CADPS2: variants seen among roughly 807,000 people sequenced by gnomAD.
CADPS2 encodes the protein calcium dependent secretion activator 2, also known as calcium-dependent secretion activator 2.
A neutral mutation model predicts 172.5 loss-of-function variants in CADPS2; 93 were observed. The observed-to-expected ratio is 0.54, with a 90% CI of 0.46 to 0.64. The LOEUF (loss-of-function observed/expected upper bound fraction) is 0.64. CADPS2 is among the 30% of genes least tolerant of loss of function. CADPS2 has a pLI of 0.00. For synonymous variants in CADPS2, 546 were observed against 555.2 expected (o/e 0.98, Z 0.23); for missense variants, 1,420 against 1,565.9 (o/e 0.91, Z 1.57).
intron 7 of CADPS2, among the ~76,000 whole-genome samples, chr7:122,575,357 A>G (rs1028056832): frequency 6.6e-6 from 1 of 152,028 alleles, no homozygotes; most frequent in African/African-American, 2.4e-5. Context: ...TTCTGAATCA[A>G]TATTAAATTT....
chr7:122,343,102 G>C (rs752871066), intron 28 of CADPS2, among the ~76,000 whole-genome samples: 9 of 152,114 alleles, frequency 5.9e-5, no homozygotes, highest in Non-Finnish European at 1.2e-4. Flanking sequence ...AGTCTTGGCT[G>C]ATTAGGGGCT....
At chr7:122,542,297 A>G (rs1237522735) in intron 8 of CADPS2, among the ~76,000 whole-genome samples, 2 of 152,152 alleles carry the variant, frequency 1.3e-5, no homozygotes, top group Admixed American at 6.6e-5. Flanking sequence ...ACTATCCTTT[A>G]GTAAATTTTA....
At chr7:122,519,497 G>GC (rs2130984904) in intron 8 of CADPS2, among the ~76,000 whole-genome samples, 1 of 152,162 alleles carries the variant, frequency 6.6e-6, no homozygotes, top group African/African-American at 2.4e-5. Context: ...CAAGAGTAAA[G>GC]CCTTGAAGCA....
chr7:122,713,086 A>T (rs1161649109), intron 2 of CADPS2, among the ~76,000 whole-genome samples: 2 of 152,134 alleles, frequency 1.3e-5, no homozygotes, highest in African/African-American at 4.8e-5. Flanking sequence ...TTTCCTTAGG[A>T]TATTTCATAC....
chr7:122,731,710 G>C (rs1220213276), intron 2 of CADPS2, among the ~76,000 whole-genome samples: 2 of 151,456 alleles, frequency 1.3e-5, no homozygotes, highest in African/African-American at 2.4e-5. Context: ...AAAGATGAAA[G>C]TGCAGCAGAA....
chr7:122,738,402 CT>C (rs796440172), intron 1 of CADPS2, among the ~76,000 whole-genome samples: 3,307 of 142,766 alleles, frequency 0.023, 68 homozygotes, highest in African/African-American at 0.061. Flanking sequence ...AATGCAGAAG[CT>C]TTTTTTTTTT....
At chr7:122,563,319 G>C (rs1175577716) in intron 7 of CADPS2, among the ~76,000 whole-genome samples, 1 of 152,014 alleles carries the variant, frequency 6.6e-6, no homozygotes, top group Non-Finnish European at 1.5e-5. Context: ...TGCTTGAGTA[G>C]CTTTATCATT....
chr7:122,386,168 A>G, intron 24 of CADPS2: 1 of 647,390 alleles, frequency 1.5e-6, no homozygotes, highest in South Asian at 4.4e-5. Context: ...ATATGCGAAC[A>G]CAGAAGCCAA....
intron 2 of CADPS2, among the ~76,000 whole-genome samples, chr7:122,687,686 T>C (rs2083815591): frequency 6.6e-6 from 1 of 152,222 alleles, no homozygotes; most frequent in African/African-American, 2.4e-5. Context: ...CCTCTATTCC[T>C]ATCACACTTG....
intron 1 of CADPS2, among the ~76,000 whole-genome samples, chr7:122,780,580 T>C (rs1208370828): frequency 1.3e-5 from 2 of 152,130 alleles, no homozygotes; most frequent in African/African-American, 2.4e-5. Flanking sequence ...AGGGTCTTCC[T>C]CTATCTAGAG....
At chr7:122,617,152 C>T (rs866385375) in intron 5 of CADPS2, among the ~76,000 whole-genome samples, 12 of 152,290 alleles carry the variant, frequency 7.9e-5, no homozygotes, top group Non-Finnish European at 1.8e-4. Flanking sequence ...CTACTGTAAA[C>T]ATGACCTCCT....
At chr7:122,465,820 G>C (rs891028276) in intron 14 of CADPS2, among the ~76,000 whole-genome samples, 1 of 152,164 alleles carries the variant, frequency 6.6e-6, no homozygotes, top group Non-Finnish European at 1.5e-5. Context: ...TGTGGCTACA[G>C]TAACCTAGAT....
intron 2 of CADPS2, among the ~76,000 whole-genome samples, chr7:122,724,780 G>A (rs2090905509): frequency 1.3e-5 from 2 of 151,766 alleles, no homozygotes; most frequent in Admixed American, 1.3e-4. Flanking sequence ...CCTCTGTGCT[G>A]AAGCCTCCAC....
At chr7:122,355,583 A>C (rs1585219743) in intron 27 of CADPS2, among the ~76,000 whole-genome samples, 1 of 76,070 alleles carries the variant, frequency 1.3e-5, no homozygotes. Flanking sequence ...CTGTCTTATT[A>C]AAAAAAAAAA....
intron 12 of CADPS2, chr7:122,480,185 G>A (rs374378861): frequency 6.5e-6 from 3 of 461,252 alleles, no homozygotes; most frequent in Admixed American, 4.8e-5. Context: ...TATATCCAGA[G>A]AGTCAAAGAA....
chr7:122,376,620 A>C (rs1404779075), intron 25 of CADPS2, among the ~76,000 whole-genome samples: 4 of 152,156 alleles, frequency 2.6e-5, no homozygotes, highest in Non-Finnish European at 5.9e-5. Flanking sequence ...TCAGTTATGC[A>C]TGATGAATAA....
intron 20 of CADPS2, among the ~76,000 whole-genome samples, chr7:122,399,249 C>CA (rs986699150): frequency 9.9e-5 from 15 of 152,280 alleles, no homozygotes; most frequent in African/African-American, 3.6e-4. Context: ...TATACTTCTA[C>CA]AATCTACTGC....
chr7:122,831,486 T>C (rs1806538652), intron 1 of CADPS2, among the ~76,000 whole-genome samples: 1 of 152,362 alleles, frequency 6.6e-6, no homozygotes, highest in Admixed American at 6.5e-5. Context: ...ATAAAACTCA[T>C]TTTTAAAGTA....
At chr7:122,459,063 C>T (rs1460316014) in intron 14 of CADPS2, among the ~76,000 whole-genome samples, 2 of 151,724 alleles carry the variant, frequency 1.3e-5, no homozygotes, top group African/African-American at 4.8e-5. Flanking sequence ...AATATGCCAA[C>T]CAGAAATAAC....
Sources: allele counts gnomAD v4.1 joint callset (sites outside exome capture counted in the v4.1 genomes callset), GRCh38; gene constraint gnomAD v4.1.1; transcripts MANE v1.5; gene names NCBI Gene and HGNC (gene_info 2026-07-23, HGNC 2026-07-21).